MACROD2: variants seen among roughly 807,000 people sequenced by gnomAD.
The protein encoded by MACROD2 is ADP-ribose glycohydrolase MACROD2.
MACROD2 carries 36 observed loss-of-function variants against 70.4 expected under a neutral mutation model. The observed-to-expected ratio is 0.51, with a 90% CI of 0.39 to 0.68. MACROD2 has a LOEUF of 0.68. Ranked by LOEUF, MACROD2 falls within the 30% of genes least tolerant of loss-of-function variation. The pLI is 0.00. For synonymous variants in MACROD2, 172 were observed against 178.8 expected (o/e 0.96, Z 0.30); for missense variants, 496 against 538.4 (o/e 0.92, Z 0.78).
chr20:15,920,013 G>T (rs532300926), intron 10 of MACROD2, among the ~76,000 whole-genome samples: 76 of 152,260 alleles, frequency 5.0e-4, no homozygotes, highest in African/African-American at 1.8e-3. Context: ...GTGGTTATAG[G>T]TAGGAAGACT....
intron 8 of MACROD2, among the ~76,000 whole-genome samples, chr20:15,819,242 CAT>C (rs1021180314): frequency 1.7e-4 from 18 of 108,668 alleles, no homozygotes; most frequent in African/African-American, 2.8e-4. Context: ...TATATACAAA[CAT>C]ATATAAATAT....
intron 5 of MACROD2, among the ~76,000 whole-genome samples, chr20:15,217,576 T>C (rs954808238): frequency 2.6e-5 from 4 of 152,178 alleles, no homozygotes; most frequent in African/African-American, 9.7e-5. Context: ...GTGTAACATA[T>C]TTTCCTACTC....
At chr20:14,706,143 G>C (rs1263412517) in intron 5 of MACROD2, among the ~76,000 whole-genome samples, 1 of 151,832 alleles carries the variant, frequency 6.6e-6, no homozygotes, top group Non-Finnish European at 1.5e-5. Context: ...ATGAAACCCC[G>C]TCTCTACTAA....
intron 5 of MACROD2, among the ~76,000 whole-genome samples, chr20:14,919,603 C>CT (rs1370888239): frequency 6.6e-6 from 1 of 152,174 alleles, no homozygotes; most frequent in Non-Finnish European, 1.5e-5. Flanking sequence ...GTGCCTCTTT[C>CT]TAACTTGAAT....
At chr20:15,367,845 A>T (rs1218617451) in intron 6 of MACROD2, among the ~76,000 whole-genome samples, 2 of 152,114 alleles carry the variant, frequency 1.3e-5, no homozygotes, top group Non-Finnish European at 2.9e-5. Flanking sequence ...CAATTTCAGT[A>T]TTTTTTGTCA....
intron 3 of MACROD2, among the ~76,000 whole-genome samples, chr20:14,201,921 A>G (rs1040221237): frequency 6.6e-6 from 1 of 151,960 alleles, no homozygotes; most frequent in Non-Finnish European, 1.5e-5. Flanking sequence ...CATGTCACAT[A>G]TAACAATATA....
chr20:15,101,044 T>G (rs1054992323), intron 5 of MACROD2, among the ~76,000 whole-genome samples: 4 of 152,136 alleles, frequency 2.6e-5, no homozygotes, highest in Admixed American at 1.3e-4. Context: ...ATTTGATGAC[T>G]AAGATACTGC....
chr20:15,753,460 G>A (rs2051302625), intron 8 of MACROD2, among the ~76,000 whole-genome samples: 1 of 152,154 alleles, frequency 6.6e-6, no homozygotes, highest in Non-Finnish European at 1.5e-5. Flanking sequence ...TTCTTTTTAT[G>A]GCTGGGTAAT....
At chr20:14,797,631 C>T (rs1017656626) in intron 5 of MACROD2, among the ~76,000 whole-genome samples, 8 of 152,056 alleles carry the variant, frequency 5.3e-5, no homozygotes, top group Admixed American at 4.6e-4. Flanking sequence ...CCCCAAGCCC[C>T]GGGTTCAGCC....
intron 4 of MACROD2, among the ~76,000 whole-genome samples, chr20:14,657,896 A>C (rs919571181): frequency 6.6e-6 from 1 of 151,836 alleles, no homozygotes; most frequent in South Asian, 2.1e-4. Context: ...TGATAAGCAG[A>C]TGTCTTCTAA....
chr20:15,669,945 T>A (rs76747267), intron 8 of MACROD2, among the ~76,000 whole-genome samples: 6,914 of 152,270 alleles, frequency 0.045, 217 homozygotes, highest in Non-Finnish European at 0.065. Flanking sequence ...GTGTTTTGTG[T>A]GCATTACCTA....
intron 5 of MACROD2, among the ~76,000 whole-genome samples, chr20:15,229,437 T>C (rs2076940689): frequency 6.6e-6 from 1 of 152,220 alleles, no homozygotes; most frequent in African/African-American, 2.4e-5. Context: ...AGGTTATTAA[T>C]GATTATTAAA....
At chr20:15,609,773 C>T (rs2048941537) in intron 8 of MACROD2, among the ~76,000 whole-genome samples, 1 of 152,182 alleles carries the variant, frequency 6.6e-6, no homozygotes, top group African/African-American at 2.4e-5. Flanking sequence ...ATTAAAGGAT[C>T]AGCAGGGGTT....
intron 10 of MACROD2, among the ~76,000 whole-genome samples, chr20:15,922,457 T>C (rs989348360): frequency 2.0e-5 from 3 of 152,202 alleles, no homozygotes; most frequent in Non-Finnish European, 4.4e-5. Context: ...AAATCTGACA[T>C]ATATGTAACA....
At chr20:15,104,688 A>C (rs972809905) in intron 5 of MACROD2, among the ~76,000 whole-genome samples, 2 of 152,132 alleles carry the variant, frequency 1.3e-5, no homozygotes, top group African/African-American at 4.8e-5. Flanking sequence ...ACTTACCTGC[A>C]GGACTGGGCT....
chr20:14,503,256 G>A (rs1828108185), intron 4 of MACROD2, among the ~76,000 whole-genome samples: 1 of 152,080 alleles, frequency 6.6e-6, no homozygotes. Context: ...ACAAGGGAAG[G>A]GTGGTGCTGC....
At chr20:14,347,391 C>A (rs536567678) in intron 3 of MACROD2, among the ~76,000 whole-genome samples, 1 of 152,146 alleles carries the variant, frequency 6.6e-6, no homozygotes, top group Non-Finnish European at 1.5e-5. Flanking sequence ...AAAGAAAGTA[C>A]GTAGATTTGG....
At chr20:14,272,634 A>G (rs1424344508) in intron 3 of MACROD2, among the ~76,000 whole-genome samples, 1 of 151,788 alleles carries the variant, frequency 6.6e-6, no homozygotes, top group Non-Finnish European at 1.5e-5. Flanking sequence ...GATCAAATTC[A>G]CACATAACAA....
intron 7 of MACROD2, among the ~76,000 whole-genome samples, chr20:15,454,613 A>G (rs991844812): frequency 2.0e-5 from 3 of 152,052 alleles, no homozygotes; most frequent in South Asian, 2.1e-4. Flanking sequence ...TCCTTCTCCA[A>G]TTTCATGAGA....
Sources: allele counts gnomAD v4.1 joint callset (sites outside exome capture counted in the v4.1 genomes callset), GRCh38; gene constraint gnomAD v4.1.1; transcripts MANE v1.5; gene names NCBI Gene and HGNC (gene_info 2026-07-23, HGNC 2026-07-21).